The following COG1 variants were observed in gnomAD, a reference collection of about 807,000 sequenced individuals.
The protein encoded by COG1 is conserved oligomeric Golgi complex subunit 1.
In COG1, 61 loss-of-function variants were observed where a neutral mutation model predicts 102.2. The ratio of observed to expected loss-of-function variants is 0.60; its 90% confidence interval spans 0.49 to 0.74. The LOEUF (loss-of-function observed/expected upper bound fraction) is 0.74, where lower values mean the gene tolerates loss of function less well. Among genes scored for constraint, COG1 ranks in the 30% least tolerant of loss-of-function variants. The pLI, the probability that COG1 is intolerant of heterozygous loss-of-function variation, is 0.00. For synonymous variants in COG1, 454 were observed against 493.6 expected, an observed-to-expected ratio of 0.92 and a Z score of 1.06; for missense variants, 1,164 against 1,232.1, an observed-to-expected ratio of 0.94 and a Z score of 0.83.
chr17:73,203,861 G>A, intron 9 of COG1, 68 bp downstream of exon 9: 1 of 1,571,996 alleles, frequency 6.4e-7, no homozygotes, highest in Non-Finnish European at 8.7e-7. Context: ...CATTGTCTTG[G>A]GTTTGAGCAG....
intron 10 of COG1, 193 bp downstream of exon 10, chr17:73,205,873 G>A (rs1169248864): frequency 1.3e-6 from 1 of 763,496 alleles, no homozygotes; most frequent in East Asian, 2.7e-5. Flanking sequence ...AAGTGAAATA[G>A]GTGGACTCTT....
chr17:73,202,462 A>G (rs1398259521), intron 7 of COG1, among the ~76,000 whole-genome samples: 1 of 151,854 alleles, frequency 6.6e-6, no homozygotes, highest in Non-Finnish European at 1.5e-5. Context: ...CCTAAATATC[A>G]TATTCCCAGT....
Position 73,197,382 on chromosome 17 carries a change from G to A in COG1, c.899G>A (p.Gly300Asp). The change falls in exon 4 of 14, where the codon GGC (glycine) becomes GAC (aspartate). Residue 300 changes from glycine (G) to aspartate (D), a missense_variant. Physicochemically the swap from Gly to Asp is moderately conservative, Grantham distance 94 (BLOSUM62 -1). Coordinates refer to ENST00000299886, the MANE Select transcript of COG1 (RefSeq NM_018714.3). Reference sequence around the variant, plus strand: ...TTCTCTACTCTGGAGACCATCACAGGCCAGCATCCTGCCGGTGAGCTCTTA... The same window carrying A: ...TTCTCTACTCTGGAGACCATCACAGACCAGCATCCTGCCGGTGAGCTCTTA... ...LLFSTLETITGQHPAGKGTGV... is the reference protein window; with the variant it reads ...LLFSTLETITDQHPAGKGTGV... 1 of 1,614,094 alleles carries A rather than the reference G, an allele frequency of 6.2e-7. No individual in the cohort carries two copies. The highest frequency in any genetic ancestry group is 1.3e-5 in the African/African-American group (1 of 75,040).
Position 73,206,264 on chromosome 17 carries a change from T to A in COG1, c.2619+2T>A. 1 of 1,612,606 alleles carries A rather than the reference T, an allele frequency of 6.2e-7. No homozygotes were observed. The highest frequency in any genetic ancestry group is 8.5e-7 in the Non-Finnish European group (1 of 1,178,628). ...CATCGCCTGGTGCAGCGAACTTCTG[T>A]GAGTCAAATCAAAAACATGCTTAGT... On this transcript the variant is annotated splice_donor_variant, in intron 11 of 13. Transcript: ENST00000299886. LOFTEE classifies it high-confidence loss of function.
Position 73,200,677 on chromosome 17 carries a change from C to T in COG1, c.1182C>T (p.Ser394=). 6.2e-7 allele frequency: 1 copy of T among 1,614,148 alleles called. No individual in the cohort carries two copies. Among genetic ancestry groups the T allele is most frequent in the Non-Finnish European group, 8.5e-7 (1 of 1,180,016 alleles). The change falls in exon 6 of 14, where the codon TCC becomes TCT. Residue 394 remains serine (S), a synonymous_variant. Coordinates refer to ENST00000299886, the MANE Select transcript of COG1 (RefSeq NM_018714.3). The stretch of plus-strand genomic sequence containing the variant: ...TGTGGGAGTTACTTACCAATGAGTC[C>T]ACCAATCACAGCTGGGATGTGCTAT... ...DAMWELLTNE[S]TNHSWDVLCR... is the part of the protein sequence containing the mutation.
rs2061376051 is a variant in COG1, at chr17:73,206,804, T to C, written c.2716T>C (p.Ser906Pro). 6.2e-7 allele frequency: 1 copy of C among 1,613,350 alleles called. No individual in the cohort carries two copies. Among genetic ancestry groups the C allele is most frequent in the Non-Finnish European group, 8.5e-7 (1 of 1,179,526 alleles). The change falls in exon 12 of 14, where the codon TCC becomes CCC. Residue 906 changes from serine to proline, a missense_variant. Coordinates refer to ENST00000299886, the MANE Select transcript of COG1 (RefSeq NM_018714.3). ...QEPHNILPLA[S>P]SQIRFGLLPL... is the part of the protein sequence containing the mutation. ...ACCCCATAACATCCTGCCACTGGCA[T>C]CCAGTCAGATCAGGTAAAGGCTGCC...
rs560931577 is a variant in COG1 at position 73,201,276 on chromosome 17, G to A, written c.1449G>A (p.Leu483=). The change falls in exon 7 of 14, where the codon CTG becomes CTA. Residue 483 remains leucine, a synonymous_variant. Transcript: ENST00000299886. ...LFLWSESPND[L]PSDAAWVSVA... ...TCTGGTCTGAGAGTCCTAATGACCTGCCTTCCGATGCGGCCTGGGTCAGCG... is the reference window on the plus strand; with the variant it reads ...TCTGGTCTGAGAGTCCTAATGACCTACCTTCCGATGCGGCCTGGGTCAGCG... 6.2e-7 allele frequency: 1 copy of A among 1,614,208 alleles called. No homozygotes were observed. The highest frequency in any genetic ancestry group is 8.5e-7 in the Non-Finnish European group (1 of 1,180,038).
chr17:73,206,283 G>A lies in COG1; in HGVS notation c.2619+21G>A, dbSNP rs756285378. 6.9e-6 allele frequency: 11 copies of A among 1,584,784 alleles called. No homozygotes were observed. In the East Asian group the frequency reaches 8.9e-5, roughly 13 times the overall value. ...CTTCTGTGAGTCAAATCAAAAACAT[G>A]CTTAGTGCGAACGAAGCGATACAGG... On this transcript the variant is annotated intron_variant, in intron 11 of 13. Transcript: ENST00000299886.
At position 73,193,284 on chromosome 17, in the gene COG1, G is replaced by T; in HGVS notation, c.215G>T (p.Cys72Phe). 6.2e-7 allele frequency: 1 copy of T among 1,600,970 alleles called. No homozygotes were observed. The highest frequency in any genetic ancestry group is 1.7e-5 in the Admixed American group (1 of 58,330). Residue 72 changes from cysteine to phenylalanine, a missense_variant, in exon 1 of 14, where the codon TGC (cysteine) becomes TTC (phenylalanine). Transcript: ENST00000299886. ...GACACCATCGGCCAGATGCGCCGCT[G>T]CGCCGTGGGGCTAGTGGACGCCGTG... ...AADTIGQMRR[C>F]AVGLVDAVKA...
rs776834154 is a variant in COG1, at chr17:73,208,318, T to TC, written c.2816dup (p.Ala940GlyfsTer7). On this transcript the variant is annotated frameshift_variant, in exon 14 of 14. Coordinates refer to ENST00000299886, the MANE Select transcript of COG1 (RefSeq NM_018714.3). LOFTEE classifies it high-confidence loss of function. ...TTTCTCTACATCCAATGGCAGGTTGTCCCCCCGGCACGCTCCACAGCTGGT... is the reference window on the plus strand; with the variant it reads ...TTTCTCTACATCCAATGGCAGGTTGTCCCCCCCGGCACGCTCCACAGCTGGT... 1.9e-5 allele frequency: 30 copies of TC among 1,613,306 alleles called. 1 individual carries two copies. In the South Asian group the frequency reaches 2.7e-4, roughly 15 times the overall value.
intron 10 of COG1, 57 bp downstream of exon 10, chr17:73,205,737 C>T: frequency 6.2e-7 from 1 of 1,606,302 alleles, no homozygotes; most frequent in Non-Finnish European, 8.5e-7. Flanking sequence ...GCAAATAGTC[C>T]CTTTGCTGGG....
chr17:73,200,114 A>G, intron 5 of COG1, 93 bp downstream of exon 5: 1 of 1,448,584 alleles, frequency 6.9e-7, no homozygotes. Flanking sequence ...GCATGTGCAG[A>G]AAGCCTGTCC....
intron 11 of COG1, 132 bp downstream of exon 11, chr17:73,206,394 T>C: frequency 2.5e-6 from 2 of 788,906 alleles, no homozygotes; most frequent in Non-Finnish European, 4.4e-6. Context: ...TAGCCGAGTG[T>C]AGTTATAAGG....
intron 1 of COG1, among the ~76,000 whole-genome samples, chr17:73,194,160 T>TTTTTTTTTTTTTTTGAGACGGA (rs1401190625): frequency 6.8e-6 from 1 of 147,098 alleles, no homozygotes; most frequent in Non-Finnish European, 1.5e-5. Context: ...GAATTTTTAT[T>TTTTTTTTTTTTTTTGAGACGGA]GGCCGGGTGC....
In COG1 at chr17:73,208,319, C is replaced by T. The variant is rs572268033; in HGVS notation, c.2811C>T (p.Val937=). The T allele has an allele frequency of 2.5e-6, 4 of 1,613,384 alleles. No individual in the cohort carries two copies. The South Asian group carries it at 3.3e-5, about 13-fold the overall frequency. ...TRNIETKAQV[V]PPARSTAGDP... ...TTCTCTACATCCAATGGCAGGTTGT[C>T]CCCCCGGCACGCTCCACAGCTGGTG... Residue 937 remains valine (V), a synonymous_variant, in exon 14 of 14, where the codon GTC becomes GTT. Transcript: ENST00000299886.
chr17:73,207,824 G>A, intron 13 of COG1: 1 of 1,280,032 alleles, frequency 7.8e-7, no homozygotes. Flanking sequence ...TTGCTTTATT[G>A]TTAGACACAA....
In COG1 at chr17:73,200,422, C is replaced by T. The variant is rs894793190; in HGVS notation, c.1071-144C>T. On this transcript the variant is annotated intron_variant, in intron 5 of 13. Coordinates refer to ENST00000299886, the MANE Select transcript of COG1 (RefSeq NM_018714.3). ...CCAGCCAAAACGCTCTGTGTTGCTA[C>T]AGGTCTATCAACACTGAGACACATA... 1.8e-5 allele frequency: 16 copies of T among 870,202 alleles called. No homozygotes were observed. In the African/African-American group the frequency reaches 2.3e-4, roughly 13 times the overall value. The allele number at this position is 870,202 out of a possible 1,614,324, so 53.9% of individuals were successfully genotyped here.
chr17:73,197,219 C>G lies in COG1; in HGVS notation c.743-7C>G, dbSNP rs760704761. 2 of 1,614,208 alleles carry G rather than the reference C, an allele frequency of 1.2e-6. No individual in the cohort carries two copies. Among genetic ancestry groups the G allele is most frequent in the South Asian group, 2.2e-5 (2 of 91,086 alleles). Reference sequence around the variant, plus strand: ...ATTGTTTCAAAGAGGATGGTTTCTTCTTTTAGGTGCTGGTATCAAGGCTCA... The same window carrying G: ...ATTGTTTCAAAGAGGATGGTTTCTTGTTTTAGGTGCTGGTATCAAGGCTCA... On this transcript the variant is annotated splice_polypyrimidine_tract_variant and splice_region_variant and intron_variant, in intron 3 of 13. Coordinates refer to ENST00000299886, the MANE Select transcript of COG1 (RefSeq NM_018714.3).
intron 1 of COG1, among the ~76,000 whole-genome samples, chr17:73,195,082 T>C (rs1477309689): frequency 1.3e-5 from 2 of 152,240 alleles, no homozygotes; most frequent in Non-Finnish European, 2.9e-5. Context: ...CAGCCTTTGC[T>C]GTAACTGAGT....
Sources: allele counts gnomAD v4.1 joint callset (sites outside exome capture counted in the v4.1 genomes callset), GRCh38; gene constraint gnomAD v4.1.1; transcripts MANE v1.5; gene names NCBI Gene and HGNC (gene_info 2026-07-23, HGNC 2026-07-21).